NGF: variants seen among roughly 807,000 people sequenced by gnomAD.
NGF encodes beta-nerve growth factor.
NGF carries 4 observed loss-of-function variants against 12.8 expected under a neutral mutation model. That is an observed-to-expected ratio of 0.31 (90% confidence interval 0.15 to 0.72). The LOEUF is 0.72. NGF is among the 30% of genes least tolerant of loss of function. The pLI, the probability that NGF is intolerant of heterozygous loss-of-function variation, is 0.69. For missense variants in NGF, 283 were observed against 330.8 expected (o/e 0.86, Z 1.12); for synonymous variants, 140 against 130.0 (o/e 1.08, Z -0.52).
intron 1 of NGF, among the ~76,000 whole-genome samples, chr1:115,318,535 G>A (rs1360046723): frequency 6.6e-6 from 1 of 152,162 alleles, no homozygotes; most frequent in African/African-American, 2.4e-5. Context: ...AAACTTCTCT[G>A]CAAAGCAGCC....
intron 1 of NGF, among the ~76,000 whole-genome samples, chr1:115,320,319 GCA>G (rs1249906774): frequency 1.3e-5 from 2 of 152,000 alleles, no homozygotes; most frequent in African/African-American, 4.8e-5. Context: ...TATACATTAG[GCA>G]CAGTAAGAGA....
intron 1 of NGF, among the ~76,000 whole-genome samples, chr1:115,311,645 C>A (rs990507601): frequency 6.6e-6 from 1 of 152,108 alleles, no homozygotes; most frequent in African/African-American, 2.4e-5. Context: ...AGAAATCCTG[C>A]CATATCTTAA....
chr1:115,295,403 A>C (rs964847396), intron 1 of NGF, among the ~76,000 whole-genome samples: 1 of 152,148 alleles, frequency 6.6e-6, no homozygotes, highest in Non-Finnish European at 1.5e-5. Flanking sequence ...CACTCTTTAA[A>C]AGGTTACATT....
chr1:115,333,254 G>A (rs190685673), intron 1 of NGF, among the ~76,000 whole-genome samples: 14 of 152,146 alleles, frequency 9.2e-5, no homozygotes, highest in Non-Finnish European at 1.8e-4. Context: ...CAAATACTTC[G>A]TGGTTATTGG....
chr1:115,333,805 T>C (rs928049942), intron 1 of NGF, among the ~76,000 whole-genome samples: 33 of 44,034 alleles, frequency 7.5e-4, no homozygotes, highest in Admixed American at 5.7e-3. Context: ...TTTCTTTCTT[T>C]CTCTTTTTCT....
At position 115,298,464 on chromosome 1, in the gene NGF, G is replaced by A. The variant is rs765917249; in HGVS notation, c.-136-4714C>T. 3.3e-5 allele frequency among the ~76,000 whole-genome samples: 5 copies of A among 152,184 alleles called. No homozygotes were observed. In the South Asian group the frequency reaches 8.3e-4, roughly 25 times the overall value. On this transcript the variant is annotated intron_variant, in intron 1 of 2. Coordinates refer to ENST00000369512, the MANE Select transcript of NGF (RefSeq NM_002506.3). ...AATAGTTACAGCCAGGAAGATCATA[G>A]CAATCACACCAACAATCATTCTTAT... is the stretch of plus-strand genomic sequence containing the variant.
intron 1 of NGF, among the ~76,000 whole-genome samples, chr1:115,315,034 G>A (rs1654440049): frequency 1.3e-5 from 2 of 152,314 alleles, no homozygotes; most frequent in South Asian, 4.1e-4. Context: ...AGAGTGGATG[G>A]CCAGTGTGAG....
chr1:115,286,749 A>G lies in NGF; in HGVS notation c.47T>C (p.Ile16Thr), dbSNP rs2101019574. The G allele has an allele frequency of 6.2e-7, 1 of 1,614,174 alleles. No individual in the cohort carries two copies. Among genetic ancestry groups the G allele is most frequent in the Non-Finnish European group, 8.5e-7 (1 of 1,180,034 alleles). ...GCTCTCTGAGTGTGGTTCCGCCTGT[A>G]TGCCGATCAGAAAAGCTGTGATCAG... is the stretch of plus-strand genomic sequence containing the variant. Reference protein sequence around the residue: ...YTLITAFLIGIQAEPHSESNV... With the variant: ...YTLITAFLIGTQAEPHSESNV... Residue 16 changes from isoleucine (I) to threonine (T), a missense_variant, in exon 3 of 3, where the codon ATA (isoleucine) becomes ACA (threonine). Transcript: ENST00000369512.
intron 1 of NGF, among the ~76,000 whole-genome samples, chr1:115,315,888 C>G (rs1654465588): frequency 1.3e-5 from 2 of 152,142 alleles, no homozygotes; most frequent in Non-Finnish European, 2.9e-5. Context: ...CCTGCTGTGA[C>G]TTTCCTTGTC....
At chr1:115,320,606 G>C (rs552660868) in intron 1 of NGF, among the ~76,000 whole-genome samples, 2 of 152,136 alleles carry the variant, frequency 1.3e-5, no homozygotes, top group African/African-American at 4.8e-5. Context: ...GTGGGATGGC[G>C]CAATATATCA....
chr1:115,311,756 A>G (rs1221315380), intron 1 of NGF, among the ~76,000 whole-genome samples: 1 of 152,188 alleles, frequency 6.6e-6, no homozygotes, highest in African/African-American at 2.4e-5. Context: ...ATAAAGCATC[A>G]GAGGTGCTGT....
rs67307707 is a variant in NGF at position 115,337,267 on chromosome 1, G to GTTTT, written c.-137+933_-137+936dup. ...TCGAAATTTTTTTTGTTTTGTTTTT[G>GTTTT]TTTTTTTTTTTTTTTTTTTTTTTTT... On this transcript the variant is annotated intron_variant, in intron 1 of 2. Coordinates refer to ENST00000369512, the MANE Select transcript of NGF (RefSeq NM_002506.3). Among the ~76,000 whole-genome samples, 31 of 81,016 alleles carry GTTTT rather than the reference G, an allele frequency of 3.8e-4. 1 individual carries two copies. Among genetic ancestry groups the GTTTT allele is most frequent in the Non-Finnish European group, 4.9e-4 (21 of 42,664 alleles). The allele number at this position is 81,016 out of a possible 152,430, so 53.1% of individuals were successfully genotyped here.
chr1:115,319,492 C>G (rs1192736436), intron 1 of NGF, among the ~76,000 whole-genome samples: 3 of 152,228 alleles, frequency 2.0e-5, no homozygotes, highest in Non-Finnish European at 2.9e-5. Flanking sequence ...ACCCTCGCCT[C>G]TGGGATGGCT....
chr1:115,289,751 C>G (rs953948572), intron 2 of NGF, among the ~76,000 whole-genome samples: 2 of 152,166 alleles, frequency 1.3e-5, no homozygotes, highest in Non-Finnish European at 2.9e-5. Flanking sequence ...CTCCTCATCT[C>G]CCTAAACACG....
chr1:115,298,460 C>T (rs960556050), intron 1 of NGF, among the ~76,000 whole-genome samples: 2 of 152,068 alleles, frequency 1.3e-5, no homozygotes, highest in African/African-American at 4.8e-5. Context: ...CCAGGAAGAT[C>T]ATAGCAATCA....
intron 1 of NGF, among the ~76,000 whole-genome samples, chr1:115,337,270 T>TGTTG (rs1327135980): frequency 5.8e-4 from 24 of 41,618 alleles, no homozygotes; most frequent in African/African-American, 2.0e-3. Context: ...TGTTTTTGTT[T>TGTTG]TTTTTTTTTT....
intron 1 of NGF, among the ~76,000 whole-genome samples, chr1:115,303,102 C>T (rs193163033): frequency 1.7e-4 from 26 of 152,090 alleles, no homozygotes; most frequent in Admixed American, 9.2e-4. Context: ...AACAAACAAA[C>T]ACCAAAAATT....
intron 1 of NGF, among the ~76,000 whole-genome samples, chr1:115,307,471 A>G (rs1024414545): frequency 6.6e-5 from 10 of 152,244 alleles, no homozygotes; most frequent in African/African-American, 2.4e-4. Flanking sequence ...TCTCAACCTC[A>G]GCTCTGGTGA....
chr1:115,293,468 G>C (rs753939373), intron 2 of NGF, among the ~76,000 whole-genome samples, 159 bp downstream of exon 2: 3 of 152,230 alleles, frequency 2.0e-5, no homozygotes, highest in Admixed American at 2.0e-4. Flanking sequence ...GAGTGGGCTA[G>C]GGGAGCTGCA....
Sources: gnomAD v4.1 joint callset for allele counts (sites outside exome capture counted in the v4.1 genomes callset) on GRCh38, gnomAD v4.1.1 for gene constraint, MANE v1.5 for transcripts, NCBI Gene and HGNC (gene_info 2026-07-23, HGNC 2026-07-21) for gene names.